CCDC81: variants seen among roughly 807,000 people sequenced by gnomAD.
CCDC81 encodes coiled-coil domain-containing protein 81.
CCDC81 carries 79 observed loss-of-function variants against 83.7 expected under a neutral mutation model. That is an observed-to-expected ratio of 0.94 (90% confidence interval 0.79 to 1.14). The LOEUF is 1.14. Among genes scored for constraint, CCDC81 ranks in the 50% most tolerant of loss-of-function variants. The pLI is 0.00. For missense variants in CCDC81, 791 were observed against 778.1 expected, an observed-to-expected ratio of 1.02 and a Z score of -0.20; for synonymous variants, 252 against 278.1, an observed-to-expected ratio of 0.91 and a Z score of 0.93.
At chr11:86,415,876 G>A (rs778623299) in intron 13 of CCDC81, among the ~76,000 whole-genome samples, 1 of 152,102 alleles carries the variant, frequency 6.6e-6, no homozygotes, top group Admixed American at 6.6e-5. Flanking sequence ...GTCTCACTAT[G>A]TTACCCAGGC....
chr11:86,392,218 CCT>C (rs1948340784), intron 3 of CCDC81, among the ~76,000 whole-genome samples: 1 of 152,076 alleles, frequency 6.6e-6, no homozygotes. Flanking sequence ...TTTAGGAAAC[CCT>C]CTGAGGAAGA....
intron 12 of CCDC81, 105 bp downstream of exon 12, chr11:86,414,972 T>C: frequency 7.1e-7 from 1 of 1,405,704 alleles, no homozygotes; most frequent in Non-Finnish European, 9.8e-7. Context: ...ATGCATTTGG[T>C]AGTTTTTGTG....
chr11:86,418,186 A>C (rs746175669), intron 13 of CCDC81, among the ~76,000 whole-genome samples: 9 of 152,232 alleles, frequency 5.9e-5, no homozygotes, highest in Non-Finnish European at 1.2e-4. Context: ...TGTCACATCC[A>C]TCAGGATAGC....
At position 86,377,582 on chromosome 11, in the gene CCDC81, AT is replaced by A. The variant is rs147493992; in HGVS notation, c.79+2346del. On this transcript the variant is annotated intron_variant, in intron 1 of 14. Coordinates refer to ENST00000445632, the MANE Select transcript of CCDC81 (RefSeq NM_001156474.2). ...GGGAGCACCTTTTAATATGCTTGTC[AT>A]TTTTTGATGAGATATATATAAAGGG... Among the ~76,000 whole-genome samples the A allele has an allele frequency of 5.8e-4, 88 of 152,170 alleles. 2 individuals carry two copies. In the East Asian group the frequency reaches 0.017, roughly 29 times the overall value.
At chr11:86,385,923 A>G in intron 1 of CCDC81, 128 bp from the exon 2 acceptor site, 1 of 387,598 alleles carries the variant, frequency 2.6e-6, no homozygotes, top group Non-Finnish European at 4.8e-6. Flanking sequence ...TGTTAATTCT[A>G]AATTAATCAG....
intron 7 of CCDC81, among the ~76,000 whole-genome samples, chr11:86,401,902 C>T (rs1292020139): frequency 6.6e-6 from 1 of 151,682 alleles, no homozygotes; most frequent in African/African-American, 2.4e-5. Context: ...TTTGGGAGGC[C>T]GAGGCAGGCG....
At chr11:86,379,327 A>G (rs557543127) in intron 1 of CCDC81, among the ~76,000 whole-genome samples, 103 of 152,078 alleles carry the variant, frequency 6.8e-4, no homozygotes, top group African/African-American at 2.3e-3. Context: ...TGATCTCCTG[A>G]CCTTGTGATC....
Position 86,419,750 on chromosome 11 carries a change from ATTAT to A in CCDC81, c.1692-175_1692-172del, listed in dbSNP as rs1948764222. On this transcript the variant is annotated intron_variant, in intron 13 of 14. Transcript: ENST00000445632. Reference sequence around the variant, plus strand: ...AAGATAAAAGACCTTTGATCCATAAATTATTTGAGAGCTAGGAATTTCAGTATGC... The same window carrying A: ...AAGATAAAAGACCTTTGATCCATAAATTGAGAGCTAGGAATTTCAGTATGC... The A allele has an allele frequency of 1.2e-5, 6 of 493,990 alleles. No homozygotes were observed. In the South Asian group the frequency reaches 3.3e-4, roughly 27 times the overall value. The allele number at this position is 493,990 out of a possible 1,614,324, so 30.6% of individuals were successfully genotyped here. A position where few individuals can be genotyped will look rare whatever the true frequency, so the allele number is the denominator to read the frequency against.
At position 86,386,095 on chromosome 11, in the gene CCDC81, C is replaced by T; in HGVS notation, c.124C>T (p.Gln42Ter). 2 of 1,477,910 alleles carry T rather than the reference C, an allele frequency of 1.4e-6. No individual in the cohort carries two copies. Among genetic ancestry groups the T allele is most frequent in the Non-Finnish European group, 1.8e-6 (2 of 1,088,640 alleles). The allele number at this position is 1,477,910 out of a possible 1,614,324, so 91.5% of individuals were successfully genotyped here. The change falls in exon 2 of 15, where the codon CAG becomes TAG. Residue 42 changes from glutamine to a stop codon, truncating the protein, a stop_gained. Coordinates refer to ENST00000445632, the MANE Select transcript of CCDC81 (RefSeq NM_001156474.2). LOFTEE classifies it high-confidence loss of function. ...WGNVSEFVRRQLTLHKGVQIP... is the reference protein window; with the variant it reads ...WGNVSEFVRR ...GAATGTATCAGAATTTGTGAGACGG[C>T]AGTTAACCCTGCACAAGGTAAGATT...
intron 13 of CCDC81, among the ~76,000 whole-genome samples, chr11:86,417,157 T>C (rs1232535723): frequency 6.6e-6 from 1 of 150,750 alleles, no homozygotes; most frequent in East Asian, 2.0e-4. Context: ...GGCACAAGAA[T>C]GCTTGAACCT....
rs373366923 is a variant in CCDC81, at chr11:86,418,917, AAAGT to A, written c.1692-1008_1692-1005del. On this transcript the variant is annotated intron_variant, in intron 13 of 14. Transcript: ENST00000445632. ...ACGAAAAGAAAAATAACTTATGAAA[AAAGT>A]AATAGGTACTCTTCAGTCATTGAGC... Among the ~76,000 whole-genome samples the A allele has an allele frequency of 4.1e-3, 626 of 152,282 alleles. 5 individuals carry two copies. Among genetic ancestry groups the A allele is most frequent in the African/African-American group, 0.015 (608 of 41,548 alleles).
chr11:86,378,522 T>C (rs1948129716), intron 1 of CCDC81, among the ~76,000 whole-genome samples: 1 of 152,228 alleles, frequency 6.6e-6, no homozygotes. Context: ...ACTATGCCTT[T>C]ACTAATTTTC....
rs1031209928 is a variant in CCDC81, at chr11:86,392,911, C to G, written c.555+114C>G. 11 of 1,171,110 alleles carry G rather than the reference C, an allele frequency of 9.4e-6. No individual in the cohort carries two copies. In the Admixed American group the frequency reaches 2.6e-4, roughly 27 times the overall value. The allele number at this position is 1,171,110 out of a possible 1,614,324, so 72.5% of individuals were successfully genotyped here. A position where few individuals can be genotyped will look rare whatever the true frequency, so the allele number is the denominator to read the frequency against. On this transcript the variant is annotated intron_variant, in intron 4 of 14. Transcript: ENST00000445632. ...TTGACATATTTTGAGTGACAGTTAC[C>G]TGAAGTACATGGAAGTGCTTGTTTA...
intron 14 of CCDC81, 56 bp downstream of exon 14, chr11:86,420,109 T>C: frequency 6.3e-7 from 1 of 1,582,190 alleles, no homozygotes; most frequent in Non-Finnish European, 8.6e-7. Context: ...CAGCAACAGG[T>C]TTCAAGTGGA....
At chr11:86,413,022 T>C (rs187647609) in intron 11 of CCDC81, among the ~76,000 whole-genome samples, 2,069 of 152,264 alleles carry the variant, frequency 0.014, 21 homozygotes, top group Middle Eastern at 0.031. Context: ...AAGAATTGGA[T>C]CACATGTGGG....
rs146946869 is a variant in CCDC81, at chr11:86,405,785, CTTTTTTT to C, written c.882-1819_882-1813del. On this transcript the variant is annotated intron_variant, in intron 7 of 14. Coordinates refer to ENST00000445632, the MANE Select transcript of CCDC81 (RefSeq NM_001156474.2). The stretch of plus-strand genomic sequence containing the variant: ...TGGTCACCATCATTTCTTCTTTTTT[CTTTTTTT>C]TTTTTTTTTGCCCAGGCTGGAGCGC... 3.8e-3 allele frequency among the ~76,000 whole-genome samples: 494 copies of C among 128,624 alleles called. 5 individuals are homozygous for C. The highest frequency in any genetic ancestry group is 0.014 in the African/African-American group (472 of 34,802). 84.4% of individuals were successfully genotyped at this position (128,624 alleles called of 152,430 possible). A position where few individuals can be genotyped will look rare whatever the true frequency, so the allele number is the denominator to read the frequency against.
At position 86,414,954 on chromosome 11, in the gene CCDC81, T is replaced by C. The variant is rs967671483; in HGVS notation, c.1470+87T>C. 4 of 1,397,922 alleles carry C rather than the reference T, an allele frequency of 2.9e-6. No homozygotes were observed. The African/African-American group carries it at 5.8e-5, about 20-fold the overall frequency. The allele number at this position is 1,397,922 out of a possible 1,614,324, so 86.6% of individuals were successfully genotyped here. ...ATGTGTAAGTTGTTACGAATATTTT[T>C]ATGTGTTATGCATTTGGTAGTTTTT... On this transcript the variant is annotated intron_variant, in intron 12 of 14. Coordinates refer to ENST00000445632, the MANE Select transcript of CCDC81 (RefSeq NM_001156474.2).
chr11:86,418,702 T>C (rs1948751648), intron 13 of CCDC81, among the ~76,000 whole-genome samples: 1 of 152,230 alleles, frequency 6.6e-6, no homozygotes. Flanking sequence ...AGAATGTTGG[T>C]TGCCAAGGGC....
intron 3 of CCDC81, among the ~76,000 whole-genome samples, chr11:86,389,881 G>A (rs1020268872): frequency 1.3e-4 from 20 of 152,110 alleles, no homozygotes; most frequent in African/African-American, 2.4e-4. Flanking sequence ...TGAGGCAGGC[G>A]GATCACAAGG....
Sources: allele counts gnomAD v4.1 joint callset (sites outside exome capture counted in the v4.1 genomes callset), GRCh38; gene constraint gnomAD v4.1.1; transcripts MANE v1.5; gene names NCBI Gene and HGNC (gene_info 2026-07-23, HGNC 2026-07-21).